Variants in NRXN1 observed in about 807,000 individuals in gnomAD.
NRXN1 encodes the protein neurexin-1.
A neutral mutation model predicts 150.9 loss-of-function variants in NRXN1; 39 were observed. The ratio of observed to expected loss-of-function variants is 0.26; its 90% confidence interval spans 0.20 to 0.34. NRXN1 has a LOEUF of 0.34. Ranked by LOEUF, NRXN1 falls within the 10% of genes least tolerant of loss-of-function variation. NRXN1 has a pLI of 1.00. For synonymous variants in NRXN1, 924 were observed against 757.0 expected (o/e 1.22, Z -3.62); for missense variants, 1,815 against 1,949.9 (o/e 0.93, Z 1.30).
chr2:50,812,377 A>C (rs1668338067), intron 5 of NRXN1, among the ~76,000 whole-genome samples: 1 of 152,214 alleles, frequency 6.6e-6, no homozygotes, highest in South Asian at 2.1e-4. Context: ...AGGAAGGCCA[A>C]GAGATAGTGA....
intron 2 of NRXN1, among the ~76,000 whole-genome samples, chr2:50,966,517 C>T (rs954081798): frequency 6.6e-6 from 1 of 151,680 alleles, no homozygotes; most frequent in African/African-American, 2.4e-5. Flanking sequence ...AGAGCACAAT[C>T]TTCAACTCTC....
At chr2:50,243,307 C>T (rs1177909702) in intron 17 of NRXN1, among the ~76,000 whole-genome samples, 1 of 151,116 alleles carries the variant, frequency 6.6e-6, no homozygotes, top group African/African-American at 2.4e-5. Flanking sequence ...TCAATAAAAA[C>T]AAAACACAAT....
chr2:50,858,846 A>G (rs1419562369), intron 5 of NRXN1, among the ~76,000 whole-genome samples: 1 of 152,076 alleles, frequency 6.6e-6, no homozygotes, highest in Non-Finnish European at 1.5e-5. Context: ...TCTTAACACA[A>G]TAATTATTTG....
intron 21 of NRXN1, among the ~76,000 whole-genome samples, chr2:49,984,877 T>C (rs1244050399): frequency 1.3e-5 from 2 of 152,210 alleles, no homozygotes; most frequent in African/African-American, 2.4e-5. Flanking sequence ...GACACACAGA[T>C]TTTGTTTCTT....
In NRXN1 at chr2:50,396,958, C is replaced by T. The variant is rs557879802; in HGVS notation, c.3364+68484G>A. On this transcript the variant is annotated intron_variant, in intron 17 of 22. Coordinates refer to ENST00000401669, the MANE Select transcript of NRXN1 (RefSeq NM_001330078.2). The stretch of plus-strand genomic sequence containing the variant: ...CGGCTATTGTAAGCTTCAGGTGAAA[C>T]CTAGAGAGGAGAAGGGAAGAAGATA... 8.5e-5 allele frequency among the ~76,000 whole-genome samples: 13 copies of T among 152,058 alleles called. No homozygotes were observed. The South Asian group carries it at 2.7e-3, about 32-fold the overall frequency.
intron 21 of NRXN1, among the ~76,000 whole-genome samples, chr2:49,982,862 AGT>A (rs1314293631): frequency 6.6e-6 from 1 of 152,144 alleles, no homozygotes; most frequent in African/African-American, 2.4e-5. Flanking sequence ...CTAAAGACAT[AGT>A]GTTTTTATAG....
In NRXN1 at chr2:50,043,175, G is replaced by C. The variant is rs114662514; in HGVS notation, c.4128+10096C>G. On this transcript the variant is annotated intron_variant, in intron 21 of 22. Coordinates refer to ENST00000401669, the MANE Select transcript of NRXN1 (RefSeq NM_001330078.2). ...ATTCCCAAACAATGTAGAATGCAAA[G>C]TTATATAAGATAATTGACAAAGTTA... 8.0e-3 allele frequency among the ~76,000 whole-genome samples: 1,224 copies of C among 152,206 alleles called. 20 individuals carry two copies. Among genetic ancestry groups the C allele is most frequent in the African/African-American group, 0.028 (1,175 of 41,522 alleles).
intron 17 of NRXN1, among the ~76,000 whole-genome samples, chr2:50,348,835 G>C (rs77980242): frequency 2.7e-5 from 4 of 146,326 alleles, no homozygotes; most frequent in Non-Finnish European, 6.1e-5. Context: ...CCAGTGGCTG[G>C]ACTTTTTTTT....
At chr2:51,018,923 A>G (rs142667553) in intron 2 of NRXN1, among the ~76,000 whole-genome samples, 1 of 152,250 alleles carries the variant, frequency 6.6e-6, no homozygotes, top group African/African-American at 2.4e-5. Context: ...AAAGAAGGTT[A>G]ACAAAGGAAG....
chr2:49,959,529 C>A (rs1675545267), intron 21 of NRXN1, among the ~76,000 whole-genome samples: 1 of 152,192 alleles, frequency 6.6e-6, no homozygotes, highest in Non-Finnish European at 1.5e-5. Context: ...TGGGATCTTA[C>A]AATGCTGCTT....
At chr2:50,969,603 G>T (rs1011762807) in intron 2 of NRXN1, among the ~76,000 whole-genome samples, 1 of 152,136 alleles carries the variant, frequency 6.6e-6, no homozygotes, top group Non-Finnish European at 1.5e-5. Flanking sequence ...TATTTAAGCA[G>T]TTGTTTCATA....
intron 17 of NRXN1, among the ~76,000 whole-genome samples, chr2:50,297,504 C>T (rs2152951601): frequency 6.6e-6 from 1 of 151,972 alleles, no homozygotes; most frequent in East Asian, 1.9e-4. Context: ...AATCCAAGTT[C>T]AAAAAAAGCT....
At chr2:50,443,487 G>A (rs2086144217) in intron 17 of NRXN1, among the ~76,000 whole-genome samples, 1 of 152,146 alleles carries the variant, frequency 6.6e-6, no homozygotes, top group Admixed American at 6.5e-5. Flanking sequence ...AGTCTGAGGG[G>A]TGGAGCACTG....
chr2:50,356,297 A>G (rs2153005518), intron 17 of NRXN1, among the ~76,000 whole-genome samples: 1 of 152,332 alleles, frequency 6.6e-6, no homozygotes, highest in Non-Finnish European at 1.5e-5. Context: ...AAAAACTTCT[A>G]GTAGCTCAAT....
chr2:50,629,386 A>G (rs998504411), intron 5 of NRXN1, among the ~76,000 whole-genome samples: 1 of 151,678 alleles, frequency 6.6e-6, no homozygotes, highest in African/African-American at 2.4e-5. Context: ...CATAGTTCTG[A>G]TTCCATTTAT....
intron 5 of NRXN1, among the ~76,000 whole-genome samples, chr2:50,704,735 T>C (rs910767821): frequency 2.6e-5 from 4 of 151,824 alleles, no homozygotes; most frequent in African/African-American, 9.7e-5. Flanking sequence ...TACTTATGAT[T>C]AATTAGAATT....
At chr2:50,064,431 T>C (rs1695039938) in intron 19 of NRXN1, among the ~76,000 whole-genome samples, 1 of 88,502 alleles carries the variant, frequency 1.1e-5, no homozygotes, top group African/African-American at 4.4e-5. Context: ...ACGTGGGATC[T>C]TCTTTTTTTT....
chr2:50,489,881 G>GATA (rs2091143968), intron 15 of NRXN1, among the ~76,000 whole-genome samples: 1 of 152,042 alleles, frequency 6.6e-6, no homozygotes, highest in African/African-American at 2.4e-5. Flanking sequence ...GCAGGTCCCA[G>GATA]ATAACTGCAT....
chr2:50,709,472 G>C (rs576259934), intron 5 of NRXN1, among the ~76,000 whole-genome samples: 5 of 152,222 alleles, frequency 3.3e-5, no homozygotes, highest in Non-Finnish European at 7.3e-5. Context: ...AGTAGCTTGT[G>C]AAGTTTGACA....
Sources: gnomAD v4.1 joint callset for allele counts (sites outside exome capture counted in the v4.1 genomes callset) on GRCh38, gnomAD v4.1.1 for gene constraint, MANE v1.5 for transcripts, NCBI Gene and HGNC (gene_info 2026-07-23, HGNC 2026-07-21) for gene names.